Variants in PDSS2 observed in about 807,000 individuals in gnomAD.
PDSS2 encodes the protein decaprenyl diphosphate synthase subunit 2, also known as all trans-polyprenyl-diphosphate synthase PDSS2.
PDSS2 carries 31 observed loss-of-function variants against 44.5 expected under a neutral mutation model. The observed-to-expected ratio is 0.70, with a 90% CI of 0.52 to 0.94. The LOEUF is 0.94. PDSS2 is among the 40% of genes least tolerant of loss of function. The pLI is 0.00. For synonymous variants in PDSS2, 157 were observed against 180.3 expected (o/e 0.87, Z 1.03); for missense variants, 452 against 482.2 (o/e 0.94, Z 0.59).
At chr6:107,224,686 A>G (rs2114697680) in intron 4 of PDSS2, among the ~76,000 whole-genome samples, 1 of 151,544 alleles carries the variant, frequency 6.6e-6, no homozygotes, top group Non-Finnish European at 1.5e-5. Context: ...TGCTGAAAGC[A>G]TTCCAATGAA....
At chr6:107,250,182 C>CA (rs1774766613) in intron 3 of PDSS2, among the ~76,000 whole-genome samples, 1 of 107,250 alleles carries the variant, frequency 9.3e-6, no homozygotes, top group African/African-American at 3.7e-5. Flanking sequence ...AAATACTGAC[C>CA]CCCCCCCGCA....
intron 1 of PDSS2, among the ~76,000 whole-genome samples, chr6:107,380,585 A>G (rs1278219215): frequency 6.6e-6 from 1 of 152,160 alleles, no homozygotes; most frequent in Non-Finnish European, 1.5e-5. Context: ...AACTTTCATG[A>G]AAGTGTGGGG....
chr6:107,170,242 G>A (rs1582729925), intron 7 of PDSS2, among the ~76,000 whole-genome samples: 1 of 152,194 alleles, frequency 6.6e-6, no homozygotes, highest in South Asian at 2.1e-4. Flanking sequence ...TGCTAGCAAT[G>A]AGCGAGGTTC....
intron 1 of PDSS2, among the ~76,000 whole-genome samples, chr6:107,427,046 G>T (rs144431408): frequency 6.6e-6 from 1 of 152,036 alleles, no homozygotes; most frequent in Non-Finnish European, 1.5e-5. Context: ...GACCAGGGGC[G>T]GAATGATATG....
At chr6:107,381,571 A>AT (rs1583015839) in intron 1 of PDSS2, among the ~76,000 whole-genome samples, 1 of 152,196 alleles carries the variant, frequency 6.6e-6, no homozygotes, top group African/African-American at 2.4e-5. Flanking sequence ...ATAATTTAAT[A>AT]TTTTGGAACA....
intron 1 of PDSS2, among the ~76,000 whole-genome samples, chr6:107,451,112 G>A (rs911415048): frequency 2.6e-5 from 4 of 152,190 alleles, no homozygotes; most frequent in South Asian, 2.1e-4. Context: ...GATTACAGGC[G>A]TGAGCCACTG....
rs552647151 is a variant in PDSS2, at chr6:107,343,224, A to G, written c.297-8892T>C. On this transcript the variant is annotated intron_variant, in intron 1 of 7. Transcript: ENST00000369037. Reference sequence around the variant, plus strand: ...ACATACATGAAGTGGGTTGATTGGTAAGATTCCTATTAATGCTTATGACTG... The same window carrying G: ...ACATACATGAAGTGGGTTGATTGGTGAGATTCCTATTAATGCTTATGACTG... Among the ~76,000 whole-genome samples, 34 of 152,364 alleles carry G rather than the reference A, an allele frequency of 2.2e-4. No homozygotes were observed. In the South Asian group the frequency reaches 6.8e-3, roughly 31 times the overall value.
intron 3 of PDSS2, among the ~76,000 whole-genome samples, chr6:107,262,159 G>A (rs916192804): frequency 5.3e-5 from 8 of 151,044 alleles, no homozygotes; most frequent in South Asian, 2.1e-4. Flanking sequence ...CTGCCCGCGC[G>A]GCCTCCCAAA....
At chr6:107,214,277 G>A (rs1773334235) in intron 4 of PDSS2, among the ~76,000 whole-genome samples, 1 of 151,938 alleles carries the variant, frequency 6.6e-6, no homozygotes, top group Admixed American at 6.6e-5. Context: ...CTAATTTTTT[G>A]TATTTTTAGT....
intron 3 of PDSS2, chr6:107,264,152 G>A (rs770811274): frequency 7.0e-6 from 5 of 717,590 alleles, no homozygotes; most frequent in Non-Finnish European, 7.3e-6. Flanking sequence ...GAATTTGGAA[G>A]TAAAATTACT....
rs578204827 is a variant in PDSS2 at position 107,306,298 on chromosome 6, G to T, written c.431+27900C>A. Among the ~76,000 whole-genome samples the T allele has an allele frequency of 2.0e-5, 3 of 152,250 alleles. No homozygotes were observed. In the East Asian group the frequency reaches 5.8e-4, roughly 29 times the overall value. ...GGCAGGTCTTTCCCGTGCTGTTCTCGTGATAGTGAATAAGTCTCATGAGAT... is the reference window on the plus strand; with the variant it reads ...GGCAGGTCTTTCCCGTGCTGTTCTCTTGATAGTGAATAAGTCTCATGAGAT... On this transcript the variant is annotated intron_variant, in intron 2 of 7. Transcript: ENST00000369037.
intron 4 of PDSS2, among the ~76,000 whole-genome samples, chr6:107,227,098 G>A (rs920734462): frequency 5.3e-5 from 8 of 151,796 alleles, no homozygotes; most frequent in African/African-American, 1.5e-4. Context: ...TCCTGCCTCG[G>A]CCTCTCAAGT....
chr6:107,276,418 G>T (rs1483672380), intron 2 of PDSS2, among the ~76,000 whole-genome samples: 1 of 152,106 alleles, frequency 6.6e-6, no homozygotes, highest in Admixed American at 6.6e-5. Flanking sequence ...GTGTGTGGTT[G>T]GGGGGAGGGT....
At position 107,210,932 on chromosome 6, in the gene PDSS2, G is replaced by A. The variant is rs1773179261; in HGVS notation, c.877-362C>T. Among the ~76,000 whole-genome samples, 3 of 151,098 alleles carry A rather than the reference G, an allele frequency of 2.0e-5. No individual in the cohort carries two copies. In the South Asian group the frequency reaches 6.3e-4, roughly 32 times the overall value. On this transcript the variant is annotated intron_variant, in intron 5 of 7. Coordinates refer to ENST00000369037, the MANE Select transcript of PDSS2 (RefSeq NM_020381.4). Reference sequence around the variant, plus strand: ...AATCGCTTGAACCTGGGAGACAGAGGTTGCAGTGAGCCGAGATTGCGCCAC... The same window carrying A: ...AATCGCTTGAACCTGGGAGACAGAGATTGCAGTGAGCCGAGATTGCGCCAC...
At chr6:107,164,995 G>T (rs1207224907) in intron 7 of PDSS2, among the ~76,000 whole-genome samples, 1 of 152,090 alleles carries the variant, frequency 6.6e-6, no homozygotes, top group Non-Finnish European at 1.5e-5. Flanking sequence ...CATATCCTTC[G>T]CCCACTTTTT....
At chr6:107,176,429 TACACACACACACACACAC>T (rs71012784) in intron 7 of PDSS2, among the ~76,000 whole-genome samples, 1 of 149,690 alleles carries the variant, frequency 6.7e-6, no homozygotes. Flanking sequence ...CACACACACA[TACACACACACACACACAC>T]ACACACACAC....
At chr6:107,390,699 G>C (rs1779752797) in intron 1 of PDSS2, among the ~76,000 whole-genome samples, 1 of 151,874 alleles carries the variant, frequency 6.6e-6, no homozygotes, top group Non-Finnish European at 1.5e-5. Context: ...GAGGGTATAG[G>C]GTATAAAGGA....
chr6:107,305,476 T>G (rs113203284), intron 2 of PDSS2, among the ~76,000 whole-genome samples: 41 of 152,340 alleles, frequency 2.7e-4, no homozygotes, highest in African/African-American at 9.9e-4. Context: ...TTTTGAATCC[T>G]GGCTTCATTT....
intron 1 of PDSS2, among the ~76,000 whole-genome samples, chr6:107,385,002 A>G (rs766340669): frequency 6.6e-6 from 1 of 152,226 alleles, no homozygotes; most frequent in Non-Finnish European, 1.5e-5. Flanking sequence ...AGTGCTCAAT[A>G]AATGTCTGCT....
Sources: allele counts gnomAD v4.1 joint callset (sites outside exome capture counted in the v4.1 genomes callset), GRCh38; gene constraint gnomAD v4.1.1; transcripts MANE v1.5; gene names NCBI Gene and HGNC (gene_info 2026-07-23, HGNC 2026-07-21).